Variants in ATP10A observed in about 807,000 individuals in gnomAD.
The protein encoded by ATP10A is phospholipid-transporting ATPase VA.
In ATP10A, 111 loss-of-function variants were observed where a neutral mutation model predicts 147.8. The observed-to-expected ratio is 0.75, with a 90% confidence interval of 0.64 to 0.88. The LOEUF (loss-of-function observed/expected upper bound fraction) is 0.88, where lower values mean the gene tolerates loss of function less well. ATP10A is among the 40% of genes least tolerant of loss of function. The pLI, the probability that ATP10A is intolerant of heterozygous loss-of-function variation, is 0.00. For missense variants in ATP10A, 1,927 were observed against 1,959.0 expected (o/e 0.98, Z 0.31); for synonymous variants, 875 against 841.6 (o/e 1.04, Z -0.69).
chr15:25,735,004 GGGGGGGGGGT>G (rs1306189711), intron 3 of ATP10A, among the ~76,000 whole-genome samples: 56 of 1,020 alleles, frequency 0.055, no homozygotes, highest in Non-Finnish European at 0.16. Context: ...TGGTGGGAGC[GGGGGGGGGGT>G]GGGGGGGTGG....
intron 1 of ATP10A, among the ~76,000 whole-genome samples, chr15:25,806,242 C>T (rs115111729): frequency 0.014 from 2,145 of 152,234 alleles, 60 homozygotes; most frequent in African/African-American, 0.049. Flanking sequence ...ATCAAGATGA[C>T]GAGAATGAAG....
intron 2 of ATP10A, among the ~76,000 whole-genome samples, chr15:25,774,503 G>A (rs1279823068): frequency 6.6e-6 from 1 of 151,990 alleles, no homozygotes; most frequent in Non-Finnish European, 1.5e-5. Context: ...GAACCCGGGA[G>A]GCAGAGAGGT....
chr15:25,771,772 CAG>C (rs1448949560), intron 2 of ATP10A, among the ~76,000 whole-genome samples: 4 of 149,352 alleles, frequency 2.7e-5, no homozygotes, highest in South Asian at 2.1e-4. Flanking sequence ...TTTTTTGAGA[CAG>C]AGTCTTACTC....
Position 25,766,581 on chromosome 15 carries a change from C to G in ATP10A, c.654+14438G>C, listed in dbSNP as rs116482534. On this transcript the variant is annotated intron_variant, in intron 2 of 20. Coordinates refer to ENST00000555815, the MANE Select transcript of ATP10A (RefSeq NM_024490.4). Reference sequence around the variant, plus strand: ...GAAGAAGTGAGGAGGGCAGGAAGCTCCACCAGCCTCTATTGTAATTGGATC... The same window carrying G: ...GAAGAAGTGAGGAGGGCAGGAAGCTGCACCAGCCTCTATTGTAATTGGATC... 5.2e-3 allele frequency among the ~76,000 whole-genome samples: 794 copies of G among 151,954 alleles called. 5 individuals are homozygous for G. The highest frequency in any genetic ancestry group is 0.018 in the African/African-American group (761 of 41,440).
chr15:25,834,626 G>C (rs1892513436), intron 1 of ATP10A, among the ~76,000 whole-genome samples: 1 of 152,172 alleles, frequency 6.6e-6, no homozygotes, highest in African/African-American at 2.4e-5. Context: ...ACATACACAA[G>C]AGAAATGAAA....
At chr15:25,847,529 C>T (rs889191691) in intron 1 of ATP10A, among the ~76,000 whole-genome samples, 1 of 141,266 alleles carries the variant, frequency 7.1e-6, no homozygotes, top group Admixed American at 7.3e-5. Context: ...ATGATCTTTG[C>T]GGGTCACGGG....
intron 4 of ATP10A, among the ~76,000 whole-genome samples, chr15:25,726,731 C>T (rs947348145): frequency 2.0e-5 from 3 of 151,426 alleles, no homozygotes; most frequent in African/African-American, 7.3e-5. Context: ...GCGTGAGTCA[C>T]CACATCCAGC....
rs1261369198 is a variant in ATP10A, at chr15:25,709,038, T to G, written c.2345-738A>C. ...CCGGTAAGAGACCCTTTTACATGCC[T>G]GACCGTGCTGCATTCTCCACAGGGG... On this transcript the variant is annotated intron_variant, in intron 10 of 20. Transcript: ENST00000555815. 2.0e-5 allele frequency: 3 copies of G among 152,290 alleles called. No individual in the cohort carries two copies. In the East Asian group the frequency reaches 5.8e-4, roughly 29 times the overall value. The allele number at this position is 152,290 out of a possible 1,614,324, so 9.4% of individuals were successfully genotyped here. A position where few individuals can be genotyped will look rare whatever the true frequency, so the allele number is the denominator to read the frequency against.
chr15:25,862,948 C>G lies in ATP10A; in HGVS notation c.149G>C (p.Arg50Pro). ...PAAGAAKGER[R>P]RRRGCAQHLA... ...GTGCTGGGCACACCCGCGCCGCCGT[C>G]GCCGCTCGCCCTTGGCCGCGCCAGC... The change falls in exon 1 of 21, where the codon CGA becomes CCA. Residue 50 changes from arginine (R) to proline (P), a missense_variant. Transcript: ENST00000555815. The G allele has an allele frequency of 6.4e-7, 1 of 1,566,378 alleles. No individual in the cohort carries two copies. Among genetic ancestry groups the G allele is most frequent in the African/African-American group, 1.4e-5 (1 of 71,660 alleles).
At chr15:25,800,079 G>A (rs947052184) in intron 1 of ATP10A, among the ~76,000 whole-genome samples, 1 of 152,220 alleles carries the variant, frequency 6.6e-6, no homozygotes, top group South Asian at 2.1e-4. Context: ...GGTGAGGCAG[G>A]AGAGGAGCTC....
At chr15:25,779,010 G>A (rs967980482) in intron 2 of ATP10A, among the ~76,000 whole-genome samples, 2 of 152,174 alleles carry the variant, frequency 1.3e-5, no homozygotes, top group African/African-American at 2.4e-5. Flanking sequence ...CCGAGTAGCT[G>A]AGACTACAGG....
At chr15:25,831,397 A>T (rs1892350209) in intron 1 of ATP10A, among the ~76,000 whole-genome samples, 1 of 152,226 alleles carries the variant, frequency 6.6e-6, no homozygotes. Flanking sequence ...GAATGCTGCG[A>T]GCAGGGAATT....
chr15:25,832,471 C>T (rs1445783759), intron 1 of ATP10A, among the ~76,000 whole-genome samples: 2 of 152,092 alleles, frequency 1.3e-5, no homozygotes, highest in Non-Finnish European at 2.9e-5. Context: ...GGACCATTGT[C>T]GCAGTCTAAA....
At chr15:25,808,714 C>T (rs564155552) in intron 1 of ATP10A, among the ~76,000 whole-genome samples, 38 of 152,296 alleles carry the variant, frequency 2.5e-4, no homozygotes, top group South Asian at 6.2e-4. Context: ...CTACTGATTC[C>T]CAACTCAGGT....
chr15:25,735,984 G>A (rs1002461592), intron 3 of ATP10A, 72 bp downstream of exon 3: 1 of 1,295,884 alleles, frequency 7.7e-7, no homozygotes, highest in African/African-American at 1.4e-5. Flanking sequence ...CTTTATAACT[G>A]AGAATGTGTA....
intron 1 of ATP10A, among the ~76,000 whole-genome samples, chr15:25,805,039 G>A (rs1891120012): frequency 6.6e-6 from 1 of 152,226 alleles, no homozygotes; most frequent in Admixed American, 6.5e-5. Flanking sequence ...TTGCCAGAAT[G>A]GGACCTGTGG....
At chr15:25,811,426 G>GT (rs1891428048) in intron 1 of ATP10A, among the ~76,000 whole-genome samples, 1 of 152,174 alleles carries the variant, frequency 6.6e-6, no homozygotes, top group Non-Finnish European at 1.5e-5. Flanking sequence ...GGAACAAGAA[G>GT]TAAGGATGAG....
At chr15:25,681,952 G>A (rs946991930) in intron 17 of ATP10A, among the ~76,000 whole-genome samples, 5 of 151,894 alleles carry the variant, frequency 3.3e-5, no homozygotes, top group African/African-American at 7.3e-5. Flanking sequence ...TACTCAGGAG[G>A]CTGAGGCAGG....
At chr15:25,680,606 G>A (rs374108561) in intron 19 of ATP10A, among the ~76,000 whole-genome samples, 1 of 152,138 alleles carries the variant, frequency 6.6e-6, no homozygotes, top group African/African-American at 2.4e-5. Context: ...GAGCATGGCC[G>A]GGGAAGTGCG....
Sources: gnomAD v4.1 joint callset for allele counts (sites outside exome capture counted in the v4.1 genomes callset) on GRCh38, gnomAD v4.1.1 for gene constraint, MANE v1.5 for transcripts, NCBI Gene and HGNC (gene_info 2026-07-23, HGNC 2026-07-21) for gene names.